PPP3CC: variants seen among roughly 807,000 people sequenced by gnomAD.
PPP3CC encodes the protein protein phosphatase 3 catalytic subunit gamma.
A neutral mutation model predicts 60.3 loss-of-function variants in PPP3CC; 35 were observed. The observed-to-expected ratio is 0.58, with a 90% CI of 0.44 to 0.77. PPP3CC has a LOEUF of 0.77. PPP3CC is among the 30% of genes least tolerant of loss of function. PPP3CC has a pLI of 0.00. For missense variants in PPP3CC, 570 were observed against 628.9 expected, an observed-to-expected ratio of 0.91 and a Z score of 1.00; for synonymous variants, 206 against 224.3, an observed-to-expected ratio of 0.92 and a Z score of 0.73.
At chr8:22,533,113 C>G in intron 12 of PPP3CC, 95 bp downstream of exon 12, 1 of 907,980 alleles carries the variant, frequency 1.1e-6, no homozygotes, top group Non-Finnish European at 1.6e-6. Context: ...GAAAATGCCA[C>G]GAGAGCAGTT....
At chr8:22,533,604 C>T (rs1348089150) in intron 12 of PPP3CC, among the ~76,000 whole-genome samples, 1 of 152,040 alleles carries the variant, frequency 6.6e-6, no homozygotes, top group Non-Finnish European at 1.5e-5. Context: ...GCGGGCGGAT[C>T]ACCTGAGGTC....
intron 4 of PPP3CC, among the ~76,000 whole-genome samples, chr8:22,507,514 A>C (rs1838959168): frequency 6.6e-6 from 1 of 152,238 alleles, no homozygotes. Context: ...GAGCATGAAC[A>C]GGTTTAAGTC....
chr8:22,499,459 A>AGG, intron 4 of PPP3CC, among the ~76,000 whole-genome samples: 1 of 72,974 alleles, frequency 1.4e-5, no homozygotes, highest in Non-Finnish European at 3.0e-5. Context: ...AAAAAAAAGA[A>AGG]AAAAAAAAGA....
At chr8:22,518,038 T>C (rs1420173931) in intron 6 of PPP3CC, among the ~76,000 whole-genome samples, 1 of 151,832 alleles carries the variant, frequency 6.6e-6, no homozygotes, top group Non-Finnish European at 1.5e-5. Flanking sequence ...CATTTTGATA[T>C]GTATATTTTT....
Position 22,537,947 on chromosome 8 carries a change from T to C in PPP3CC, c.1322-1522T>C, listed in dbSNP as rs528347714. On this transcript the variant is annotated intron_variant, in intron 12 of 13. Transcript: ENST00000240139. ...GTGCTAATAAGTGGGGGATTTCTCA[T>C]TGGGGCAATGAAAATATTCTAAGCA... is the stretch of plus-strand genomic sequence containing the variant. Among the ~76,000 whole-genome samples the C allele has an allele frequency of 9.3e-4, 141 of 152,294 alleles. 1 individual carries two copies. Among genetic ancestry groups the C allele is most frequent in the African/African-American group, 2.9e-3 (120 of 41,574 alleles).
In PPP3CC at chr8:22,525,494, CT is replaced by C. The variant is rs1172309220; in HGVS notation, c.944-1895del. On this transcript the variant is annotated intron_variant, in intron 8 of 13. Transcript: ENST00000240139. Reference sequence around the variant, plus strand: ...CTTTTTCTTTCTGCTTCCTTTTCTTCTTTCTTTCTTTCTTTCTTTCTTTCTT... The same window carrying C: ...CTTTTTCTTTCTGCTTCCTTTTCTTCTTCTTTCTTTCTTTCTTTCTTTCTT... Among the ~76,000 whole-genome samples, 4 of 74,952 alleles carry C rather than the reference CT, an allele frequency of 5.3e-5. No homozygotes were observed. The East Asian group carries it at 1.5e-3, about 27-fold the overall frequency. The allele number at this position is 74,952 out of a possible 152,430, so 49.2% of individuals were successfully genotyped here. A position where few individuals can be genotyped will look rare whatever the true frequency, so the allele number is the denominator to read the frequency against.
intron 4 of PPP3CC, among the ~76,000 whole-genome samples, chr8:22,506,985 G>A (rs972210770): frequency 6.6e-6 from 1 of 151,804 alleles, no homozygotes; most frequent in African/African-American, 2.4e-5. Context: ...TTTGAGCTAT[G>A]TCTCACGCCT....
At chr8:22,522,428 C>A in intron 6 of PPP3CC, 63 bp from the exon 7 acceptor site, 1 of 1,326,118 alleles carries the variant, frequency 7.5e-7, no homozygotes, top group Non-Finnish European at 1.1e-6. Context: ...GACTTTTCCC[C>A]ATCTTCCTAT....
At chr8:22,475,199 G>A in intron 2 of PPP3CC, 48 bp downstream of exon 2, 1 of 1,494,372 alleles carries the variant, frequency 6.7e-7, no homozygotes, top group Non-Finnish European at 9.2e-7. Context: ...AGATTTGCAT[G>A]AGCAGTTTTG....
intron 4 of PPP3CC, among the ~76,000 whole-genome samples, chr8:22,509,049 G>A (rs1472021349): frequency 6.6e-6 from 1 of 152,128 alleles, no homozygotes; most frequent in Non-Finnish European, 1.5e-5. Flanking sequence ...CTCCCTTAAT[G>A]AACTCAAACC....
chr8:22,480,675 C>T (rs1838035656), intron 3 of PPP3CC, among the ~76,000 whole-genome samples: 1 of 152,102 alleles, frequency 6.6e-6, no homozygotes, highest in South Asian at 2.1e-4. Context: ...GATGGAGTTT[C>T]ACCATATTGG....
chr8:22,453,564 G>C (rs1424611660), intron 1 of PPP3CC, among the ~76,000 whole-genome samples: 1 of 152,134 alleles, frequency 6.6e-6, no homozygotes, highest in African/African-American at 2.4e-5. Flanking sequence ...TGCAGGATGG[G>C]GTTTTGCAGC....
At chr8:22,449,768 A>G (rs1836949313) in intron 1 of PPP3CC, among the ~76,000 whole-genome samples, 1 of 152,158 alleles carries the variant, frequency 6.6e-6, no homozygotes, top group African/African-American at 2.4e-5. Context: ...CATAAAATGA[A>G]GAAAAAGAAG....
At chr8:22,522,996 C>T (rs1318937153) in intron 8 of PPP3CC, among the ~76,000 whole-genome samples, 2 of 152,218 alleles carry the variant, frequency 1.3e-5, no homozygotes, top group East Asian at 3.9e-4. Context: ...ATTGATACTA[C>T]AGAATCAAAG....
chr8:22,451,395 C>G (rs1837020453), intron 1 of PPP3CC, among the ~76,000 whole-genome samples: 1 of 152,206 alleles, frequency 6.6e-6, no homozygotes, highest in African/African-American at 2.4e-5. Flanking sequence ...CTCGGCCTCC[C>G]AAAGTGCTGG....
At chr8:22,473,936 C>A (rs1837809013) in intron 1 of PPP3CC, among the ~76,000 whole-genome samples, 1 of 152,012 alleles carries the variant, frequency 6.6e-6, no homozygotes, top group African/African-American at 2.4e-5. Context: ...GCTCTGTTGC[C>A]CAGGCTGGAG....
Position 22,441,348 on chromosome 8 carries a change from GC to G in PPP3CC, c.-61del. ...GCTAAGGCTGCCCGAGGAGAAGGCG[GC>G]GGCCGCGGCGTAGGCGCACGTCCGG... On this transcript the variant is annotated 5_prime_UTR_variant, in exon 1 of 14. Transcript: ENST00000240139. 2.7e-6 allele frequency: 4 copies of G among 1,489,812 alleles called. No homozygotes were observed. Among genetic ancestry groups the G allele is most frequent in the South Asian group, 2.5e-5 (2 of 79,982 alleles). 92.3% of individuals were successfully genotyped at this position (1,489,812 alleles called of 1,614,324 possible).
chr8:22,441,525 G>C (rs1836670471), intron 1 of PPP3CC, 67 bp downstream of exon 1: 1 of 1,460,844 alleles, frequency 6.8e-7, no homozygotes. Context: ...CGGCGGCTCG[G>C]GGCGGAGGGA....
At chr8:22,500,371 A>G (rs542477362) in intron 4 of PPP3CC, among the ~76,000 whole-genome samples, 20 of 152,232 alleles carry the variant, frequency 1.3e-4, no homozygotes, top group Middle Eastern at 3.4e-3. Flanking sequence ...TTTAGTGTTC[A>G]TATGGTTGAT....
Sources: gnomAD v4.1 joint callset for allele counts (sites outside exome capture counted in the v4.1 genomes callset) on GRCh38, gnomAD v4.1.1 for gene constraint, MANE v1.5 for transcripts, NCBI Gene and HGNC (gene_info 2026-07-23, HGNC 2026-07-21) for gene names.